WIF1: variants seen among roughly 807,000 people sequenced by gnomAD.
The protein encoded by WIF1 is Wnt inhibitory factor 1.
A neutral mutation model predicts 53.5 loss-of-function variants in WIF1; 35 were observed. The observed-to-expected ratio is 0.65, with a 90% CI of 0.50 to 0.87. The LOEUF (loss-of-function observed/expected upper bound fraction) is 0.87, where lower values mean the gene tolerates loss of function less well. Ranked by LOEUF, WIF1 falls within the 40% of genes least tolerant of loss-of-function variation. The pLI, the probability that WIF1 is intolerant of heterozygous loss-of-function variation, is 0.00. For synonymous variants in WIF1, 171 were observed against 170.4 expected, an observed-to-expected ratio of 1.00 and a Z score of -0.03; for missense variants, 467 against 476.8, an observed-to-expected ratio of 0.98 and a Z score of 0.19.
At chr12:65,118,799 C>T (rs1209577749) in intron 2 of WIF1, among the ~76,000 whole-genome samples, 2 of 152,078 alleles carry the variant, frequency 1.3e-5, no homozygotes, top group African/African-American at 4.8e-5. Context: ...GAATTTAAGC[C>T]TTTGCTTCAA....
intron 2 of WIF1, among the ~76,000 whole-genome samples, chr12:65,112,450 A>C (rs925357143): frequency 1.0e-4 from 15 of 148,342 alleles, no homozygotes; most frequent in African/African-American, 3.3e-4. Flanking sequence ...ACACACACAC[A>C]CCATCCTGGA....
At chr12:65,113,108 GGC>G (rs1444528620) in intron 2 of WIF1, among the ~76,000 whole-genome samples, 24 of 152,340 alleles carry the variant, frequency 1.6e-4, no homozygotes, top group African/African-American at 5.1e-4. Flanking sequence ...CGGAGAGAAA[GGC>G]TGCACGGGAG....
At chr12:65,062,023 T>C (rs550591672) in intron 7 of WIF1, among the ~76,000 whole-genome samples, 1 of 152,354 alleles carries the variant, frequency 6.6e-6, no homozygotes, top group African/African-American at 2.4e-5. Flanking sequence ...TTTCTCGTTT[T>C]TCTTGAGTCT....
intron 4 of WIF1, 150 bp downstream of exon 4, chr12:65,068,614 G>T (rs541236620): frequency 2.0e-6 from 2 of 1,007,396 alleles, no homozygotes; most frequent in Non-Finnish European, 2.8e-6. Flanking sequence ...TCCTCCTTCC[G>T]TTGCTGTAGT....
intron 2 of WIF1, among the ~76,000 whole-genome samples, chr12:65,093,018 AG>A (rs769361343): frequency 5.3e-5 from 8 of 152,182 alleles, no homozygotes; most frequent in Non-Finnish European, 7.4e-5. Context: ...GCTAAGGGAA[AG>A]GAGAATATTA....
chr12:65,083,821 C>CTCTTTT (rs397955996), intron 2 of WIF1: 2 of 291,714 alleles, frequency 6.9e-6, no homozygotes, highest in African/African-American at 6.2e-5. Flanking sequence ...CCTTTCCTCT[C>CTCTTTT]CTCTTTTCTC....
At chr12:65,060,049 C>T (rs925383544) in intron 7 of WIF1, among the ~76,000 whole-genome samples, 1 of 151,978 alleles carries the variant, frequency 6.6e-6, no homozygotes, top group South Asian at 2.1e-4. Flanking sequence ...AACAAAGAGC[C>T]AGCAATGAGT....
chr12:65,090,948 T>C (rs1029499313), intron 2 of WIF1, among the ~76,000 whole-genome samples: 2 of 152,018 alleles, frequency 1.3e-5, no homozygotes, highest in Non-Finnish European at 2.9e-5. Context: ...AGGGGTGTGA[T>C]CAACAGAGGG....
chr12:65,080,260 T>C (rs1010346398), intron 2 of WIF1, among the ~76,000 whole-genome samples: 4 of 152,206 alleles, frequency 2.6e-5, no homozygotes. Flanking sequence ...CTGTGAACAG[T>C]TCCCTAGGTG....
intron 7 of WIF1, among the ~76,000 whole-genome samples, chr12:65,056,777 G>T (rs903270560): frequency 1.3e-5 from 2 of 151,808 alleles, no homozygotes; most frequent in Non-Finnish European, 2.9e-5. Flanking sequence ...ATCCTCCAGG[G>T]TTGCTGGGAA....
chr12:65,070,516 G>C (rs1375903905), intron 3 of WIF1, among the ~76,000 whole-genome samples: 2 of 152,074 alleles, frequency 1.3e-5, no homozygotes, highest in African/African-American at 4.8e-5. Context: ...CTTATACTTT[G>C]TTCAATTATA....
intron 2 of WIF1, among the ~76,000 whole-genome samples, chr12:65,087,364 A>G (rs891911658): frequency 6.6e-6 from 1 of 152,214 alleles, no homozygotes; most frequent in Non-Finnish European, 1.5e-5. Flanking sequence ...TTAAAGAGGC[A>G]AAATTAATGT....
chr12:65,095,107 ATTT>A (rs71096025), intron 2 of WIF1, among the ~76,000 whole-genome samples: 1 of 139,566 alleles, frequency 7.2e-6, no homozygotes. Context: ...TAATTTTTGT[ATTT>A]TTTTTTTTTT....
chr12:65,066,898 G>A (rs906941301), intron 5 of WIF1, among the ~76,000 whole-genome samples, 162 bp from the exon 6 acceptor site: 5 of 151,952 alleles, frequency 3.3e-5, no homozygotes, highest in Non-Finnish European at 7.4e-5. Context: ...TATTATTTTT[G>A]TGGTATAAAT....
chr12:65,055,236 G>T (rs756690488), intron 8 of WIF1, 23 bp from the exon 9 acceptor site: 1 of 1,606,856 alleles, frequency 6.2e-7, no homozygotes, highest in East Asian at 2.2e-5. Flanking sequence ...GAAATAAAAA[G>T]AGTATTTCCT....
chr12:65,096,645 A>G (rs866085448), intron 2 of WIF1, among the ~76,000 whole-genome samples: 14 of 152,364 alleles, frequency 9.2e-5, no homozygotes, highest in Middle Eastern at 3.4e-3. Context: ...GACTGGATAA[A>G]GAAAATGTGG....
chr12:65,096,233 A>T (rs531737305), intron 2 of WIF1, among the ~76,000 whole-genome samples: 7 of 152,262 alleles, frequency 4.6e-5, no homozygotes, highest in Non-Finnish European at 1.0e-4. Flanking sequence ...TCAAAAGAAG[A>T]CATTTATATG....
In WIF1 at chr12:65,085,115, G is replaced by A. The variant is rs577163118; in HGVS notation, c.289-7261C>T. 1.9e-4 allele frequency among the ~76,000 whole-genome samples: 29 copies of A among 152,214 alleles called. 1 individual carries two copies. The South Asian group carries it at 5.6e-3, about 29-fold the overall frequency. On this transcript the variant is annotated intron_variant, in intron 2 of 9. Coordinates refer to ENST00000286574, the MANE Select transcript of WIF1 (RefSeq NM_007191.5). ...CTCTTCTGGTTTATATTTCCCTCTT[G>A]GGTTCCAGTCACTTTGCCTTCTATA... is the stretch of plus-strand genomic sequence containing the variant.
chr12:65,069,186 T>C (rs1882734967), intron 3 of WIF1, among the ~76,000 whole-genome samples: 1 of 152,214 alleles, frequency 6.6e-6, no homozygotes, highest in African/African-American at 2.4e-5. Flanking sequence ...CTATCTTAAA[T>C]ATTTTCCCTG....
Sources: gnomAD v4.1 joint callset for allele counts (sites outside exome capture counted in the v4.1 genomes callset) on GRCh38, gnomAD v4.1.1 for gene constraint, MANE v1.5 for transcripts, NCBI Gene and HGNC (gene_info 2026-07-23, HGNC 2026-07-21) for gene names.